HERPUD1: variants seen among roughly 807,000 people sequenced by gnomAD.
HERPUD1 encodes homocysteine inducible ER protein with ubiquitin like domain 1, also known as homocysteine-responsive endoplasmic reticulum-resident ubiquitin-like domain member 1 protein.
In HERPUD1, 17 loss-of-function variants were observed where a neutral mutation model predicts 45.0. That is an observed-to-expected ratio of 0.38 (90% CI 0.26 to 0.57). The LOEUF is 0.57. HERPUD1 is among the 20% of genes least tolerant of loss of function. The pLI, the probability that HERPUD1 is intolerant of heterozygous loss-of-function variation, is 0.72. For missense variants in HERPUD1, 420 were observed against 490.5 expected (o/e 0.86, Z 1.36); for synonymous variants, 164 against 177.5 (o/e 0.92, Z 0.61).
intron 1 of HERPUD1, among the ~76,000 whole-genome samples, chr16:56,932,814 A>G (rs1202782731): frequency 1.3e-5 from 2 of 152,208 alleles, no homozygotes; most frequent in Admixed American, 6.5e-5. Context: ...GACCGCCCAG[A>G]CACTGTGGAC....
intron 5 of HERPUD1, 135 bp downstream of exon 5, chr16:56,939,494 G>A: frequency 8.6e-7 from 1 of 1,169,290 alleles, no homozygotes; most frequent in Admixed American, 2.0e-5. Context: ...GCTCTGTTTG[G>A]TCTGTGGGTA....
Position 56,939,877 on chromosome 16 carries a change from C to T in HERPUD1, c.555-18C>T. 6.3e-7 allele frequency: 1 copy of T among 1,596,292 alleles called. No homozygotes were observed. The highest frequency in any genetic ancestry group is 8.6e-7 in the Non-Finnish European group (1 of 1,164,936). ...GCTTTGGTCTCAACAGTATCTGCCT[C>T]TGTCGTTTTTATTTTAGTTTAGCAG... is the stretch of plus-strand genomic sequence containing the variant. On this transcript the variant is annotated intron_variant, in intron 5 of 7. Coordinates refer to ENST00000439977, the MANE Select transcript of HERPUD1 (RefSeq NM_014685.4).
intron 5 of HERPUD1, 115 bp downstream of exon 5, chr16:56,939,474 G>A: frequency 7.7e-7 from 1 of 1,300,854 alleles, no homozygotes; most frequent in Non-Finnish European, 1.1e-6. Context: ...TCATCAGTCT[G>A]CAGAGCCCTG....
chr16:56,939,862 CAA>C, intron 5 of HERPUD1, 31 bp from the exon 6 acceptor site: 2 of 1,556,182 alleles, frequency 1.3e-6, no homozygotes, highest in Non-Finnish European at 1.8e-6. Context: ...GCTTTGGTCT[CAA>C]CAGTATCTGC....
chr16:56,936,841 G>T (rs1288545226), intron 4 of HERPUD1, 24 bp downstream of exon 4: 6 of 1,609,916 alleles, frequency 3.7e-6, no homozygotes, highest in Non-Finnish European at 5.1e-6. Context: ...TAAAGATCTT[G>T]GCTTATGCAA....
At chr16:56,940,442 G>A (rs533477787) in intron 6 of HERPUD1, 197 bp downstream of exon 6, 140 of 535,532 alleles carry the variant, frequency 2.6e-4, no homozygotes, top group Non-Finnish European at 4.2e-4. Flanking sequence ...GGGTAGTTGG[G>A]ATTACAGGCG....
chr16:56,943,120 C>G lies in HERPUD1; in HGVS notation c.1012-6C>G, dbSNP rs759028895. 6.2e-7 allele frequency: 1 copy of G among 1,612,818 alleles called. No individual in the cohort carries two copies. The stretch of plus-strand genomic sequence containing the variant: ...TTTCATTACCTCATTGTTTCATTAC[C>G]TGTAGGAAGGCACTGATCCTGAAAC... On this transcript the variant is annotated splice_region_variant and splice_polypyrimidine_tract_variant and intron_variant, in intron 7 of 7. Transcript: ENST00000439977.
At chr16:56,935,352 A>C (rs1441033193) in intron 2 of HERPUD1, 40 bp downstream of exon 2, 2 of 1,611,168 alleles carry the variant, frequency 1.2e-6, no homozygotes, top group Non-Finnish European at 1.7e-6. Flanking sequence ...GTTTTTAAGC[A>C]CTCACCAGGT....
intron 3 of HERPUD1, chr16:56,936,353 AT>A: frequency 6.1e-6 from 1 of 164,108 alleles, no homozygotes; most frequent in Non-Finnish European, 1.3e-5. Flanking sequence ...GCTGGGTTGT[AT>A]TTATAAATCT....
intron 3 of HERPUD1, 79 bp downstream of exon 3, chr16:56,935,554 C>A: frequency 8.3e-7 from 1 of 1,211,306 alleles, no homozygotes; most frequent in South Asian, 1.2e-5. Context: ...TTGGATAAAA[C>A]GTTTATTGAG....
intron 7 of HERPUD1, among the ~76,000 whole-genome samples, chr16:56,942,774 G>A (rs1388396056): frequency 6.6e-6 from 1 of 152,198 alleles, no homozygotes; most frequent in Admixed American, 6.5e-5. Context: ...GACCTTGGGA[G>A]GTGGAGGTTG....
chr16:56,939,743 T>C (rs772085843), intron 5 of HERPUD1, 152 bp from the exon 6 acceptor site: 71 of 624,410 alleles, frequency 1.1e-4, no homozygotes, highest in Non-Finnish European at 1.8e-4. Flanking sequence ...TAGATATAGT[T>C]AGTAAGGAAG....
rs954033877 is a variant in HERPUD1, at chr16:56,943,166, C to G, written c.1052C>G (p.Pro351Arg). ...GAAACTGAAGACCCCAACCACCTCC[C>G]TCCAGACAGGGATGTACTAGATGGC... is the stretch of plus-strand genomic sequence containing the variant. ...DPETEDPNHL[P>R]PDRDVLDGEQ... Residue 351 changes from proline (P) to arginine (R), a missense_variant, in exon 8 of 8, where the codon CCT (proline) becomes CGT (arginine). Transcript: ENST00000439977. The G allele has an allele frequency of 6.2e-7, 1 of 1,614,218 alleles. No individual in the cohort carries two copies. Among genetic ancestry groups the G allele is most frequent in the Middle Eastern group, 1.7e-4 (1 of 6,060 alleles).
Position 56,942,435 on chromosome 16 carries a change from C to T in HERPUD1, c.1011+198C>T, listed in dbSNP as rs1368898527. 1.1e-4 allele frequency among the ~76,000 whole-genome samples: 16 copies of T among 152,296 alleles called. 1 individual carries two copies. In the South Asian group the frequency reaches 1.5e-3, roughly 14 times the overall value. ...ATCACATTCTATCACATATTTTTGA[C>T]GTGGCAATTTGCATTTTGGCTTAAG... On this transcript the variant is annotated intron_variant, in intron 7 of 7. Transcript: ENST00000439977.
Position 56,940,195 on chromosome 16 carries a change from C to T in HERPUD1, c.855C>T (p.Ser285=), listed in dbSNP as rs774114907. The T allele has an allele frequency of 1.9e-6, 3 of 1,614,072 alleles. No individual in the cohort carries two copies. The highest frequency in any genetic ancestry group is 2.2e-5 in the South Asian group (2 of 91,090). ...TTCTCAGTATCCTCTACTTCTACTC[C>T]TCCCTGAGCAGATTCCTCATGGTCA... is the stretch of plus-strand genomic sequence containing the variant. ...SVFLSILYFY[S]SLSRFLMVMG... is the part of the protein sequence containing the mutation. Residue 285 remains serine (S), a synonymous_variant, in exon 6 of 8, where the codon TCC becomes TCT. Transcript: ENST00000439977.
In HERPUD1 at chr16:56,942,984, C is replaced by G; in HGVS notation, c.1012-142C>G. The G allele has an allele frequency of 6.4e-6, 5 of 778,200 alleles. No homozygotes were observed. In the South Asian group the frequency reaches 8.4e-5, roughly 13 times the overall value. The allele number at this position is 778,200 out of a possible 1,614,324, so 48.2% of individuals were successfully genotyped here. A position where few individuals can be genotyped will look rare whatever the true frequency, so the allele number is the denominator to read the frequency against. On this transcript the variant is annotated intron_variant, in intron 7 of 7. Coordinates refer to ENST00000439977, the MANE Select transcript of HERPUD1 (RefSeq NM_014685.4). ...CCTATCCAGCCTAGGGCATCATTCCCTGGGGTCCTGGCTGCCTGCTGCTGT... is the reference window on the plus strand; with the variant it reads ...CCTATCCAGCCTAGGGCATCATTCCGTGGGGTCCTGGCTGCCTGCTGCTGT...
At chr16:56,942,642 G>T (rs567548415) in intron 7 of HERPUD1, among the ~76,000 whole-genome samples, 7 of 152,096 alleles carry the variant, frequency 4.6e-5, no homozygotes, top group Non-Finnish European at 7.4e-5. Context: ...ATCACCTGAG[G>T]TCAGGAGTTT....
At chr16:56,939,847 A>C (rs2055895123) in intron 5 of HERPUD1, 48 bp from the exon 6 acceptor site, 5 of 1,433,680 alleles carry the variant, frequency 3.5e-6, no homozygotes, top group Non-Finnish European at 4.9e-6. Context: ...CACAGACTTC[A>C]CGGTGCTTTG....
chr16:56,938,488 G>A (rs918955277), intron 4 of HERPUD1, among the ~76,000 whole-genome samples: 9 of 151,872 alleles, frequency 5.9e-5, no homozygotes, highest in Non-Finnish European at 1.2e-4. Flanking sequence ...GTGTGAATCC[G>A]GGAGGTGGAG....
Sources: gnomAD v4.1 joint callset for allele counts (sites outside exome capture counted in the v4.1 genomes callset) on GRCh38, gnomAD v4.1.1 for gene constraint, MANE v1.5 for transcripts, NCBI Gene and HGNC (gene_info 2026-07-23, HGNC 2026-07-21) for gene names.